CCDC61: variants seen among roughly 807,000 people sequenced by gnomAD.
The protein encoded by CCDC61 is coiled-coil domain containing 61.
In CCDC61, 55 loss-of-function variants were observed where a neutral mutation model predicts 63.0. The observed-to-expected ratio is 0.87, with a 90% CI of 0.70 to 1.09. The LOEUF (loss-of-function observed/expected upper bound fraction) is 1.09, where lower values mean the gene tolerates loss of function less well. CCDC61 is among the 50% of genes least tolerant of loss of function. CCDC61 has a pLI of 0.00. For missense variants in CCDC61, 651 were observed against 731.4 expected, an observed-to-expected ratio of 0.89 and a Z score of 1.27; for synonymous variants, 270 against 317.0, an observed-to-expected ratio of 0.85 and a Z score of 1.58.
chr19:46,006,497 T>TA, intron 3 of CCDC61, 62 bp from the exon 4 acceptor site: 2 of 1,449,518 alleles, frequency 1.4e-6, no homozygotes, highest in Non-Finnish European at 1.8e-6. Context: ...AGGTGTGTGC[T>TA]AGGTGCCCTC....
chr19:46,013,580 T>C (rs1968868164), intron 5 of CCDC61, among the ~76,000 whole-genome samples: 1 of 152,130 alleles, frequency 6.6e-6, no homozygotes, highest in African/African-American at 2.4e-5. Flanking sequence ...AAGTTTAACA[T>C]TTCCAGGGCC....
At chr19:46,004,997 C>T (rs1460391217) in intron 3 of CCDC61, among the ~76,000 whole-genome samples, 2 of 151,556 alleles carry the variant, frequency 1.3e-5, no homozygotes, top group Non-Finnish European at 2.9e-5. Context: ...CCCACCATGC[C>T]CAGCTAATTT....
rs888792431 is a variant in CCDC61 at position 46,016,217 on chromosome 19, C to T, written c.1009C>T (p.Pro337Ser). 3.4e-6 allele frequency: 5 copies of T among 1,484,920 alleles called. No homozygotes were observed. Among genetic ancestry groups the T allele is most frequent in the Non-Finnish European group, 4.5e-6 (5 of 1,120,750 alleles). The allele number at this position is 1,484,920 out of a possible 1,614,324, so 92.0% of individuals were successfully genotyped here. ...CCGCCCTGCGCGCCCCTCGCCCTCG[C>T]CCACAGGTCTGTGCCCCTGCCCTGC... ...RGRPARPSPS[P>S]TGGRALRFDP... is the part of the protein sequence containing the mutation. The change falls in exon 8 of 14, where the codon CCC becomes TCC. Residue 337 changes from proline to serine, a missense_variant. Pro to Ser is a moderately conservative substitution (Grantham distance 74). Coordinates refer to ENST00000595358, the MANE Select transcript of CCDC61 (RefSeq NM_001267723.2). The surrounding 1 kb of genome is among the most constrained non-coding windows in gnomAD (Gnocchi z 7.2).
rs1351780341 is a variant in CCDC61 at position 46,015,497 on chromosome 19, G to C, written c.845+70G>C. 5.6e-6 allele frequency: 6 copies of C among 1,067,702 alleles called. No individual in the cohort carries two copies. The highest frequency in any genetic ancestry group is 7.6e-6 in the Non-Finnish European group (6 of 793,886). 66.1% of individuals were successfully genotyped at this position (1,067,702 alleles called of 1,614,324 possible). A position where few individuals can be genotyped will look rare whatever the true frequency, so the allele number is the denominator to read the frequency against. On this transcript the variant is annotated intron_variant, in intron 7 of 13. Transcript: ENST00000595358. This position sits in a 1 kb window ranked among gnomAD's most constrained non-coding sequence, Gnocchi z 5.3. ...TGAGGGTGTGGAGGCTGATGAGGCG[G>C]AGCCTAAGGGGGCGGGGCGGGGCCA...
Position 46,016,574 on chromosome 19 carries a change from C to A in CCDC61, c.1092-120C>A. 6.8e-7 allele frequency: 1 copy of A among 1,471,012 alleles called. No homozygotes were observed. Among genetic ancestry groups the A allele is most frequent in the Non-Finnish European group, 9.2e-7 (1 of 1,083,586 alleles). 91.1% of individuals were successfully genotyped at this position (1,471,012 alleles called of 1,614,324 possible). A position where few individuals can be genotyped will look rare whatever the true frequency, so the allele number is the denominator to read the frequency against. On this transcript the variant is annotated intron_variant, in intron 9 of 13. Transcript: ENST00000595358. This position sits in a 1 kb window ranked among gnomAD's most constrained non-coding sequence, Gnocchi z 7.2. ...CTCGTCTGTGTTTCTGCGTGCTTTCCGCTCGTAGGCCTGTCACCTCAGGCT... is the reference window on the plus strand; with the variant it reads ...CTCGTCTGTGTTTCTGCGTGCTTTCAGCTCGTAGGCCTGTCACCTCAGGCT...
intron 12 of CCDC61, 133 bp downstream of exon 12, chr19:46,017,437 T>G: frequency 1.2e-6 from 1 of 811,150 alleles, no homozygotes; most frequent in East Asian, 2.7e-5. Flanking sequence ...TGCGTCTCGC[T>G]CTTTCAGGCT....
At chr19:46,002,487 C>T (rs1359841914) in intron 1 of CCDC61, among the ~76,000 whole-genome samples, 1 of 149,390 alleles carries the variant, frequency 6.7e-6, no homozygotes, top group Non-Finnish European at 1.5e-5. Flanking sequence ...GTCACCCAGA[C>T]TGGAGTGCAG....
chr19:46,011,462 G>C (rs1298663658), intron 5 of CCDC61, among the ~76,000 whole-genome samples: 2 of 152,150 alleles, frequency 1.3e-5, no homozygotes, highest in Non-Finnish European at 2.9e-5. Context: ...TCTAGATTTT[G>C]CTGAATTTTT....
In CCDC61 at chr19:46,016,237, C is replaced by T. The variant is rs1018697375; in HGVS notation, c.1015+14C>T. ...CCTCGCCCACAGGTCTGTGCCCCTG[C>T]CCTGCGGTAGGGAGGGGACGCACTG... On this transcript the variant is annotated intron_variant, in intron 8 of 13. Coordinates refer to ENST00000595358, the MANE Select transcript of CCDC61 (RefSeq NM_001267723.2). The surrounding 1 kb of genome is among the most constrained non-coding windows in gnomAD (Gnocchi z 7.2). 7 of 1,577,006 alleles carry T rather than the reference C, an allele frequency of 4.4e-6. No homozygotes were observed. Among genetic ancestry groups the T allele is most frequent in the African/African-American group, 2.7e-5 (2 of 74,112 alleles).
chr19:46,013,860 C>T (rs1020878990), intron 5 of CCDC61, among the ~76,000 whole-genome samples: 7 of 143,126 alleles, frequency 4.9e-5, no homozygotes, highest in African/African-American at 1.3e-4. Flanking sequence ...AGCAAGACTC[C>T]GTCTCAGAAA....
Position 46,015,253 on chromosome 19 carries a change from C to G in CCDC61, c.756C>G (p.Ala252=). 2 of 1,469,920 alleles carry G rather than the reference C, an allele frequency of 1.4e-6. No individual in the cohort carries two copies. Among genetic ancestry groups the G allele is most frequent in the Non-Finnish European group, 1.8e-6 (2 of 1,118,346 alleles). The allele number at this position is 1,469,920 out of a possible 1,614,324, so 91.1% of individuals were successfully genotyped here. The change falls in exon 6 of 14, where the codon GCC becomes GCG. Residue 252 remains alanine (A), a synonymous_variant. Coordinates refer to ENST00000595358, the MANE Select transcript of CCDC61 (RefSeq NM_001267723.2). This position sits in a 1 kb window ranked among gnomAD's most constrained non-coding sequence, Gnocchi z 5.3. ...GCGGCCAGGACTGCCGCCGTCTGGC[C>G]AAGGAGGTGAGCAGCGGGGGCCCGG... ...GRRGQDCRRL[A]KELEEAKASE...
At position 46,015,254 on chromosome 19, in the gene CCDC61, A is replaced by T. The variant is rs752163471; in HGVS notation, c.757A>T (p.Lys253Ter). Residue 253 changes from lysine to a stop codon, truncating the protein, a stop_gained, in exon 6 of 14, where the codon AAG becomes TAG. Coordinates refer to ENST00000595358, the MANE Select transcript of CCDC61 (RefSeq NM_001267723.2). LOFTEE classifies it high-confidence loss of function. This position sits in a 1 kb window ranked among gnomAD's most constrained non-coding sequence, Gnocchi z 5.3. ...RRGQDCRRLA[K>*]ELEEAKASER... ...CGGCCAGGACTGCCGCCGTCTGGCC[A>T]AGGAGGTGAGCAGCGGGGGCCCGGG... 3.4e-6 allele frequency: 5 copies of T among 1,471,554 alleles called. No homozygotes were observed. Among genetic ancestry groups the T allele is most frequent in the Non-Finnish European group, 4.5e-6 (5 of 1,119,182 alleles). The allele number at this position is 1,471,554 out of a possible 1,614,324, so 91.2% of individuals were successfully genotyped here.
intron 5 of CCDC61, among the ~76,000 whole-genome samples, chr19:46,009,591 C>T (rs369269787): frequency 6.6e-6 from 1 of 152,168 alleles, no homozygotes; most frequent in Admixed American, 6.5e-5. Context: ...CAGCCAGCGC[C>T]GAGCCTCTGT....
intron 3 of CCDC61, among the ~76,000 whole-genome samples, chr19:46,005,567 C>T (rs960345436): frequency 1.3e-5 from 2 of 151,920 alleles, no homozygotes; most frequent in African/African-American, 2.4e-5. Flanking sequence ...ATATCCTCAC[C>T]GATTTCCCCA....
chr19:46,009,941 T>G (rs1968796811), intron 5 of CCDC61, among the ~76,000 whole-genome samples: 1 of 152,126 alleles, frequency 6.6e-6, no homozygotes, highest in African/African-American at 2.4e-5. Flanking sequence ...CCTCCACCCT[T>G]TGGAACCAAC....
intron 1 of CCDC61, among the ~76,000 whole-genome samples, chr19:46,001,354 G>GC (rs1968588193): frequency 1.3e-5 from 2 of 152,276 alleles, no homozygotes; most frequent in South Asian, 4.1e-4. Context: ...AGCCTCCCGA[G>GC]TAGCTGGGAT....
chr19:46,013,696 G>A (rs921452297), intron 5 of CCDC61, among the ~76,000 whole-genome samples: 7 of 151,630 alleles, frequency 4.6e-5, no homozygotes, highest in Non-Finnish European at 8.8e-5. Context: ...GTGAAACCCC[G>A]TCTCTACTAA....
intron 5 of CCDC61, among the ~76,000 whole-genome samples, chr19:46,014,205 G>T (rs908722715): frequency 6.6e-6 from 1 of 152,052 alleles, no homozygotes; most frequent in Admixed American, 6.6e-5. Flanking sequence ...GCCTCCCAAA[G>T]TGCTGAGATT....
In CCDC61 at chr19:46,015,894, C is replaced by T; in HGVS notation, c.846-160C>T. Among the ~76,000 whole-genome samples, 1 of 144,960 alleles carries T rather than the reference C, an allele frequency of 6.9e-6. No homozygotes were observed. Among genetic ancestry groups the T allele is most frequent in the East Asian group, 2.0e-4 (1 of 4,882 alleles). On this transcript the variant is annotated intron_variant, in intron 7 of 13. Coordinates refer to ENST00000595358, the MANE Select transcript of CCDC61 (RefSeq NM_001267723.2). The surrounding 1 kb of genome is among the most constrained non-coding windows in gnomAD (Gnocchi z 5.3). ...TTTTAGGGGTCCAATTGGGTGAGGT[C>T]TGGGGGGGAAGATATCGAGAGGGTC... is the stretch of plus-strand genomic sequence containing the variant.
Sources: allele counts gnomAD v4.1 joint callset (sites outside exome capture counted in the v4.1 genomes callset), GRCh38; gene constraint gnomAD v4.1.1; non-coding constraint Gnocchi (gnomAD v3.1); transcripts MANE v1.5; gene names NCBI Gene and HGNC (gene_info 2026-07-23, HGNC 2026-07-21).